The following IQGAP1 variants were observed in gnomAD, a reference collection of about 807,000 sequenced individuals.
IQGAP1 encodes the protein IQ motif containing GTPase activating protein 1.
IQGAP1 carries 66 observed loss-of-function variants against 215.6 expected under a neutral mutation model. That is an observed-to-expected ratio of 0.31 (90% CI 0.25 to 0.38). The LOEUF is 0.38. Among genes scored for constraint, IQGAP1 ranks in the 10% least tolerant of loss-of-function variants. IQGAP1 has a pLI of 1.00. For synonymous variants in IQGAP1, 772 were observed against 728.7 expected, an observed-to-expected ratio of 1.06 and a Z score of -0.96; for missense variants, 1,712 against 1,997.1, an observed-to-expected ratio of 0.86 and a Z score of 2.72.
intron 4 of IQGAP1, among the ~76,000 whole-genome samples, chr15:90,430,930 TATA>T (rs1965293322): frequency 6.7e-6 from 1 of 148,228 alleles, no homozygotes; most frequent in Admixed American, 6.8e-5. Context: ...TATAGATAAA[TATA>T]TGACTTATAC....
chr15:90,391,352 A>G (rs1195962384), intron 2 of IQGAP1: 1 of 154,068 alleles, frequency 6.5e-6, no homozygotes, highest in African/African-American at 2.4e-5. Flanking sequence ...AGTAGCCTTG[A>G]TGAGAGTTTA....
intron 2 of IQGAP1, among the ~76,000 whole-genome samples, chr15:90,416,930 G>A (rs552159833): frequency 3.3e-5 from 5 of 152,078 alleles, no homozygotes; most frequent in South Asian, 2.1e-4. Context: ...ATGGTATCTC[G>A]TTGTGGTTTT....
chr15:90,416,282 A>G (rs1965046482), intron 2 of IQGAP1, among the ~76,000 whole-genome samples: 1 of 151,672 alleles, frequency 6.6e-6, no homozygotes, highest in Non-Finnish European at 1.5e-5. Flanking sequence ...TATGTGCCAC[A>G]TTTTCTTAAT....
chr15:90,421,526 A>G (rs988131106), intron 2 of IQGAP1, among the ~76,000 whole-genome samples: 4 of 151,814 alleles, frequency 2.6e-5, no homozygotes, highest in South Asian at 2.1e-4. Context: ...ATATTTGGGG[A>G]AAAAAGGAGT....
chr15:90,417,325 G>A (rs1965067800), intron 2 of IQGAP1, among the ~76,000 whole-genome samples: 1 of 152,102 alleles, frequency 6.6e-6, no homozygotes, highest in African/African-American at 2.4e-5. Flanking sequence ...TTCTTCTAGG[G>A]TTTTTATGGT....
rs200076350 is a variant in IQGAP1, at chr15:90,474,586, C to T, written c.2677C>T (p.Arg893Trp). ...GGAGGAGCTTGACCTTATGAAGATGCGGGAAGAGGTTATCACCCTCATTCG... is the reference window on the plus strand; with the variant it reads ...GGAGGAGCTTGACCTTATGAAGATGTGGGAAGAGGTTATCACCCTCATTCG... The part of the protein sequence containing the change: ...FQEELDLMKM[R>W]EEVITLIRSN... Residue 893 changes from arginine to tryptophan, a missense_variant, in exon 23 of 38, where the codon CGG becomes TGG. By Grantham distance (101) the Arg-to-Trp change is moderately radical (BLOSUM62 -3). Transcript: ENST00000268182. The T allele has an allele frequency of 3.1e-6, 5 of 1,613,752 alleles. No homozygotes were observed. Among genetic ancestry groups the T allele is most frequent in the Admixed American group, 1.7e-5 (1 of 60,012 alleles).
intron 2 of IQGAP1, among the ~76,000 whole-genome samples, chr15:90,424,968 A>G (rs926040810): frequency 3.3e-5 from 5 of 152,164 alleles, no homozygotes; most frequent in Non-Finnish European, 7.4e-5. Context: ...GGAAGGTTCT[A>G]TAGCTTTCCT....
chr15:90,421,758 A>ATC (rs1965140006), intron 2 of IQGAP1, among the ~76,000 whole-genome samples: 1 of 152,120 alleles, frequency 6.6e-6, no homozygotes, highest in Non-Finnish European at 1.5e-5. Context: ...CAGTGATGCA[A>ATC]TCTCAGCTCA....
rs146911992 is a variant in IQGAP1, at chr15:90,416,124, A to C, written c.156-9986A>C. On this transcript the variant is annotated intron_variant, in intron 2 of 37. Transcript: ENST00000268182. Reference sequence around the variant, plus strand: ...CCATGTTGATGTGCTGCACCCATTAACTCGTCATTTACATTAGGTATGTCT... The same window carrying C: ...CCATGTTGATGTGCTGCACCCATTACCTCGTCATTTACATTAGGTATGTCT... Among the ~76,000 whole-genome samples, 1,002 of 151,858 alleles carry C rather than the reference A, an allele frequency of 6.6e-3. 17 individuals are homozygous for C. Among genetic ancestry groups the C allele is most frequent in the African/African-American group, 0.023 (937 of 41,370 alleles).
intron 5 of IQGAP1, among the ~76,000 whole-genome samples, chr15:90,435,845 T>C (rs73478810): frequency 0.02 from 3,028 of 152,346 alleles, 84 homozygotes; most frequent in African/African-American, 0.069. Flanking sequence ...TTTCGTGATT[T>C]ATGGTTTCTT....
intron 3 of IQGAP1, among the ~76,000 whole-genome samples, chr15:90,428,796 C>CA (rs911472663): frequency 3.3e-5 from 5 of 151,140 alleles, no homozygotes; most frequent in South Asian, 2.1e-4. Context: ...AGCCCTGTTT[C>CA]AAAAAAAAGC....
In IQGAP1 at chr15:90,471,090, C is replaced by T. The variant is rs79980729; in HGVS notation, c.2179-1750C>T. 6.8e-3 allele frequency among the ~76,000 whole-genome samples: 1,036 copies of T among 152,184 alleles called. 11 individuals carry two copies. The highest frequency in any genetic ancestry group is 0.024 in the African/African-American group (1,011 of 41,516). On this transcript the variant is annotated intron_variant, in intron 18 of 37. Transcript: ENST00000268182. ...TTTTCCCCACCACCAGGTTTTTGCCCTTCATTTTGCAGTCCAGAAGTCCAG... is the reference window on the plus strand; with the variant it reads ...TTTTCCCCACCACCAGGTTTTTGCCTTTCATTTTGCAGTCCAGAAGTCCAG...
intron 2 of IQGAP1, chr15:90,397,704 GATGGGGT>G (rs2151001949): frequency 6.6e-6 from 1 of 151,198 alleles, no homozygotes; most frequent in Non-Finnish European, 1.5e-5. Context: ...TTTTAGTAGA[GATGGGGT>G]TTCACTGTGT....
chr15:90,487,729 C>G, intron 33 of IQGAP1, 147 bp downstream of exon 33: 1 of 625,844 alleles, frequency 1.6e-6, no homozygotes, highest in Non-Finnish European at 2.8e-6. Flanking sequence ...GTAGTTATGG[C>G]TCGTCTGAGA....
rs547745555 is a variant in IQGAP1, at chr15:90,452,991, G to A, written c.1326+53G>A. 56 of 1,593,818 alleles carry A rather than the reference G, an allele frequency of 3.5e-5. 1 individual carries two copies. In the South Asian group the frequency reaches 6.1e-4, roughly 18 times the overall value. Reference sequence around the variant, plus strand: ...TGAGCAAAGTTGGGTGGACGTGAGTGTAATACCCACTTCTTCCTGTGGTTA... The same window carrying A: ...TGAGCAAAGTTGGGTGGACGTGAGTATAATACCCACTTCTTCCTGTGGTTA... On this transcript the variant is annotated intron_variant, in intron 12 of 37. Transcript: ENST00000268182.
intron 18 of IQGAP1, among the ~76,000 whole-genome samples, chr15:90,470,565 A>G (rs1965891543): frequency 6.6e-6 from 1 of 152,050 alleles, no homozygotes; most frequent in Non-Finnish European, 1.5e-5. Context: ...AAAAATAATA[A>G]TACAAAATTT....
intron 5 of IQGAP1, among the ~76,000 whole-genome samples, chr15:90,435,804 T>C (rs1003476992): frequency 6.6e-6 from 1 of 152,238 alleles, no homozygotes; most frequent in African/African-American, 2.4e-5. Flanking sequence ...ATATGTAGTC[T>C]GTGCTTAGAA....
chr15:90,453,872 A>C (rs948213741), intron 13 of IQGAP1, among the ~76,000 whole-genome samples: 2 of 152,176 alleles, frequency 1.3e-5, no homozygotes, highest in Non-Finnish European at 2.9e-5. Context: ...ATTGCCTCAT[A>C]TCAATAGGCA....
chr15:90,476,517 A>T, intron 23 of IQGAP1, 146 bp from the exon 24 acceptor site: 1 of 494,894 alleles, frequency 2.0e-6, no homozygotes, highest in East Asian at 3.3e-5. Flanking sequence ...AACAGGATAA[A>T]GTGTAGTGGT....
Sources: allele counts gnomAD v4.1 joint callset (sites outside exome capture counted in the v4.1 genomes callset), GRCh38; gene constraint gnomAD v4.1.1; transcripts MANE v1.5; gene names NCBI Gene and HGNC (gene_info 2026-07-23, HGNC 2026-07-21).